Variants in JAK3 observed in about 807,000 individuals in gnomAD.
The protein encoded by JAK3 is Janus kinase 3.
A neutral mutation model predicts 120.8 loss-of-function variants in JAK3; 88 were observed. The observed-to-expected ratio is 0.73, with a 90% CI of 0.61 to 0.87. JAK3 has a LOEUF of 0.87. Ranked by LOEUF, JAK3 falls within the 40% of genes least tolerant of loss-of-function variation. The probability of loss-of-function intolerance (pLI) is 0.00; values close to 1 mark genes in which losing one functional copy is unlikely to be tolerated. For missense variants in JAK3, 1,254 were observed against 1,501.4 expected (o/e 0.84, Z 2.72); for synonymous variants, 592 against 628.6 (o/e 0.94, Z 0.87).
intron 17 of JAK3, 123 bp downstream of exon 17, chr19:17,834,446 TCA>T (rs1232617377): frequency 1.0e-6 from 1 of 985,174 alleles, no homozygotes; most frequent in Non-Finnish European, 1.6e-6. Context: ...ACACTGACTG[TCA>T]CAGTCACCAA....
chr19:17,833,049 C>A, intron 17 of JAK3, 120 bp from the exon 18 acceptor site: 1 of 1,498,596 alleles, frequency 6.7e-7, no homozygotes. Context: ...ATGGCAGGGC[C>A]ATTGCAAGCC....
chr19:17,833,077 G>A lies in JAK3; in HGVS notation c.2351-148C>T, dbSNP rs907778876. The stretch of plus-strand genomic sequence containing the variant: ...TGCAAGCCAAAGGGTACCTTGTGGA[G>A]ACTGGAAAAAGGTGTCTCCCACTCT... On this transcript the variant is annotated intron_variant, in intron 17 of 23. Transcript: ENST00000458235. 4 of 1,433,838 alleles carry A rather than the reference G, an allele frequency of 2.8e-6. No homozygotes were observed. The Admixed American group carries it at 8.7e-5, about 31-fold the overall frequency. 88.8% of individuals were successfully genotyped at this position (1,433,838 alleles called of 1,614,324 possible). A position where few individuals can be genotyped will look rare whatever the true frequency, so the allele number is the denominator to read the frequency against.
chr19:17,837,258 C>T (rs544602407), intron 12 of JAK3, 45 bp from the exon 13 acceptor site: 9 of 1,461,722 alleles, frequency 6.2e-6, no homozygotes, highest in East Asian at 2.5e-5. Context: ...GTTTCTTCCA[C>T]TCCAATAATC....
At chr19:17,838,762 C>G (rs998567016) in intron 10 of JAK3, among the ~76,000 whole-genome samples, 2 of 142,162 alleles carry the variant, frequency 1.4e-5, no homozygotes, top group African/African-American at 2.7e-5. Flanking sequence ...GTCACCCAGG[C>G]TGGAGTGCAG....
Position 17,838,439 on chromosome 19 carries a change from TCCC to T in JAK3, c.1442-52_1442-50del, listed in dbSNP as rs745772149. On this transcript the variant is annotated intron_variant, in intron 10 of 23. Coordinates refer to ENST00000458235, the MANE Select transcript of JAK3 (RefSeq NM_000215.4). ...AAAACCAGAAATCAGAGGTGAAAAG[TCCC>T]CAAGGGTTAGCTAACTCATGCCTTA... is the stretch of plus-strand genomic sequence containing the variant. 5.0e-6 allele frequency: 8 copies of T among 1,612,252 alleles called. No homozygotes were observed. In the East Asian group the frequency reaches 1.8e-4, roughly 36 times the overall value.
Position 17,831,243 on chromosome 19 carries a change from T to C in JAK3, c.2963A>G (p.Gln988Arg), listed in dbSNP as rs777804418. 6.2e-7 allele frequency: 1 copy of C among 1,612,676 alleles called. No homozygotes were observed. Among genetic ancestry groups the C allele is most frequent in the South Asian group, 1.1e-5 (1 of 91,082 alleles). The change falls in exon 21 of 24, where the codon CAG becomes CGG. Residue 988 changes from glutamine (Q) to arginine (R), a missense_variant. Transcript: ENST00000458235. The surrounding 1 kb of genome is among the most constrained non-coding windows in gnomAD (Gnocchi z 5.1). ...GGTTCCCCACCAGAAAATGGGGCTC[T>C]GGCCTGGCTCGCGGACCACGTAGTA... ...KDYYVVREPG[Q>R]SPIFWYAPES...
intron 23 of JAK3, among the ~76,000 whole-genome samples, chr19:17,829,311 C>T (rs897058165): frequency 3.3e-5 from 5 of 151,996 alleles, no homozygotes; most frequent in African/African-American, 1.2e-4. Flanking sequence ...ATCACAGGCA[C>T]CCACACATGG....
intron 10 of JAK3, 52 bp downstream of exon 10, chr19:17,839,425 G>C: frequency 6.6e-7 from 1 of 1,520,904 alleles, no homozygotes; most frequent in South Asian, 1.2e-5. Context: ...CACAGACATA[G>C]AAAGCCAGGG....
rs200658727 is a variant in JAK3, at chr19:17,826,437, C to G, written c.*306G>C. 7.9e-6 allele frequency: 3 copies of G among 379,738 alleles called. No individual in the cohort carries two copies. The highest frequency in any genetic ancestry group is 8.1e-5 in the East Asian group (2 of 24,626). The allele number at this position is 379,738 out of a possible 1,614,324, so 23.5% of individuals were successfully genotyped here. Reference sequence around the variant, plus strand: ...AAAAAGAGAGAGACAGAAAAGGAAACTCAGGGGGCCAGGGCTTAAGGGGTT... The same window carrying G: ...AAAAAGAGAGAGACAGAAAAGGAAAGTCAGGGGGCCAGGGCTTAAGGGGTT... On this transcript the variant is annotated 3_prime_UTR_variant, in exon 24 of 24. Transcript: ENST00000458235.
In JAK3 at chr19:17,826,619, C is replaced by T. The variant is rs1307697826; in HGVS notation, c.*124G>A. 7 of 1,050,190 alleles carry T rather than the reference C, an allele frequency of 6.7e-6. No homozygotes were observed. The highest frequency in any genetic ancestry group is 1.7e-5 in the Admixed American group (1 of 58,674). 65.1% of individuals were successfully genotyped at this position (1,050,190 alleles called of 1,614,324 possible). On this transcript the variant is annotated 3_prime_UTR_variant, in exon 24 of 24. Transcript: ENST00000458235. ...ACGGGAGCCCCCCCAAATGCAATGT[C>T]ATGGGGGTGTTCCTGAAGTAGAGGA...
rs1274451044 is a variant in JAK3, at chr19:17,842,212, A to C, written c.861+104T>G. The C allele has an allele frequency of 2.8e-4, 346 of 1,242,484 alleles. 1 individual carries two copies. Among genetic ancestry groups the C allele is most frequent in the Middle Eastern group, 8.6e-4 (3 of 3,480 alleles). 77.0% of individuals were successfully genotyped at this position (1,242,484 alleles called of 1,614,324 possible). A position where few individuals can be genotyped will look rare whatever the true frequency, so the allele number is the denominator to read the frequency against. The stretch of plus-strand genomic sequence containing the variant: ...CTCATTAAGCCTCGCCCACTTCCCC[A>C]AGTCTTTCGTTTTGGCTCCGCCCCA... On this transcript the variant is annotated intron_variant, in intron 6 of 23. Coordinates refer to ENST00000458235, the MANE Select transcript of JAK3 (RefSeq NM_000215.4). This position sits in a 1 kb window ranked among gnomAD's most constrained non-coding sequence, Gnocchi z 6.4.
At position 17,842,973 on chromosome 19, in the gene JAK3, C is replaced by A. The variant is rs1267853004; in HGVS notation, c.566+54G>T. On this transcript the variant is annotated intron_variant, in intron 5 of 23. Transcript: ENST00000458235. This position sits in a 1 kb window ranked among gnomAD's most constrained non-coding sequence, Gnocchi z 6.4. ...GGAGCCCGGCAAAGCCCCGATGGAG[C>A]CCACGTTGCTCACTCCCAAGCAGAG... is the stretch of plus-strand genomic sequence containing the variant. The A allele has an allele frequency of 2.5e-6, 4 of 1,601,904 alleles. No individual in the cohort carries two copies. The highest frequency in any genetic ancestry group is 3.4e-6 in the Non-Finnish European group (4 of 1,177,168).
chr19:17,845,285 A>G (rs1464510603), intron 1 of JAK3, among the ~76,000 whole-genome samples: 2 of 152,106 alleles, frequency 1.3e-5, no homozygotes, highest in African/African-American at 2.4e-5. Context: ...CTCGTGCCTC[A>G]GCCACCCCAG....
chr19:17,845,342 G>C (rs1285846587), intron 1 of JAK3, among the ~76,000 whole-genome samples: 1 of 152,084 alleles, frequency 6.6e-6, no homozygotes, highest in Non-Finnish European at 1.5e-5. Context: ...TAATTTTCTT[G>C]TATTTTTAGT....
intron 13 of JAK3, 150 bp downstream of exon 13, chr19:17,836,979 G>A: frequency 1.4e-6 from 1 of 701,944 alleles, no homozygotes. Flanking sequence ...ATGATGGAGA[G>A]ACATAAATAA....
At position 17,831,619 on chromosome 19, in the gene JAK3, C is replaced by A; in HGVS notation, c.2805+55G>T. On this transcript the variant is annotated intron_variant, in intron 20 of 23. Transcript: ENST00000458235. This position sits in a 1 kb window ranked among gnomAD's most constrained non-coding sequence, Gnocchi z 5.1. Reference sequence around the variant, plus strand: ...CTTCACCGCGACCTCCAAGCAGACCCCTGCCCAGGCCGTGCCAGCTGAATC... The same window carrying A: ...CTTCACCGCGACCTCCAAGCAGACCACTGCCCAGGCCGTGCCAGCTGAATC... The A allele has an allele frequency of 1.3e-6, 2 of 1,578,544 alleles. No individual in the cohort carries two copies. The highest frequency in any genetic ancestry group is 1.1e-5 in the South Asian group (1 of 87,540).
In JAK3 at chr19:17,842,722, G is replaced by A. The variant is rs2094243001; in HGVS notation, c.567-112C>T. On this transcript the variant is annotated intron_variant, in intron 5 of 23. Transcript: ENST00000458235. This position sits in a 1 kb window ranked among gnomAD's most constrained non-coding sequence, Gnocchi z 6.4. The stretch of plus-strand genomic sequence containing the variant: ...GGGCTGGGGTGCGGCCCTAGTTGGG[G>A]CACCAGGCACACACAGACTCTCATT... 15 of 1,132,238 alleles carry A rather than the reference G, an allele frequency of 1.3e-5. No individual in the cohort carries two copies. The highest frequency in any genetic ancestry group is 1.8e-5 in the Non-Finnish European group (15 of 813,930). The allele number at this position is 1,132,238 out of a possible 1,614,324, so 70.1% of individuals were successfully genotyped here.
chr19:17,834,471 C>T lies in JAK3; in HGVS notation c.2350+100G>A. The T allele has an allele frequency of 8.7e-6, 12 of 1,385,784 alleles. 1 individual carries two copies. In the South Asian group the frequency reaches 1.5e-4, roughly 17 times the overall value. The allele number at this position is 1,385,784 out of a possible 1,614,324, so 85.8% of individuals were successfully genotyped here. Reference sequence around the variant, plus strand: ...TCACAGTCACCAACCCCTCCAACCTCACCAGACACACAGGGCGTGGCCTGC... The same window carrying T: ...TCACAGTCACCAACCCCTCCAACCTTACCAGACACACAGGGCGTGGCCTGC... On this transcript the variant is annotated intron_variant, in intron 17 of 23. Coordinates refer to ENST00000458235, the MANE Select transcript of JAK3 (RefSeq NM_000215.4).
intron 17 of JAK3, 81 bp downstream of exon 17, chr19:17,834,490 G>C: frequency 1.3e-6 from 2 of 1,525,130 alleles, no homozygotes; most frequent in South Asian, 2.3e-5. Flanking sequence ...CACAGGGCGT[G>C]GCCTGCTGCA....
Sources: allele counts gnomAD v4.1 joint callset (sites outside exome capture counted in the v4.1 genomes callset), GRCh38; gene constraint gnomAD v4.1.1; non-coding constraint Gnocchi (gnomAD v3.1); transcripts MANE v1.5; gene names NCBI Gene and HGNC (gene_info 2026-07-23, HGNC 2026-07-21).